Variants in SLC35F4 observed in about 807,000 individuals in gnomAD.
SLC35F4 encodes solute carrier family 35 member F4, also known as chromosome 14 open reading frame 36.
SLC35F4 carries 24 observed loss-of-function variants against 44.2 expected under a neutral mutation model. The observed-to-expected ratio is 0.54, with a 90% CI of 0.39 to 0.76. The LOEUF (loss-of-function observed/expected upper bound fraction) is 0.76. Ranked by LOEUF, SLC35F4 falls within the 30% of genes least tolerant of loss-of-function variation. The pLI, the probability that SLC35F4 is intolerant of heterozygous loss-of-function variation, is 0.00. For synonymous variants in SLC35F4, 238 were observed against 223.6 expected (o/e 1.06, Z -0.57); for missense variants, 562 against 586.1 (o/e 0.96, Z 0.42).
At chr14:57,692,522 C>T (rs1387498903) in intron 1 of SLC35F4, among the ~76,000 whole-genome samples, 4 of 152,046 alleles carry the variant, frequency 2.6e-5, no homozygotes, top group African/African-American at 7.2e-5. Flanking sequence ...TGACGAAGTT[C>T]CCTGCTCTAA....
chr14:57,838,254 G>A (rs1885135934), intron 1 of SLC35F4, among the ~76,000 whole-genome samples: 1 of 152,200 alleles, frequency 6.6e-6, no homozygotes, highest in Non-Finnish European at 1.5e-5. Context: ...GAGGCTTCAA[G>A]AGCAAATGGG....
intron 1 of SLC35F4, among the ~76,000 whole-genome samples, chr14:57,613,852 G>A (rs2071650991): frequency 6.6e-6 from 1 of 152,210 alleles, no homozygotes; most frequent in African/African-American, 2.4e-5. Context: ...TATTGGCAAG[G>A]AGGAAAGTAA....
chr14:57,617,121 G>A lies in SLC35F4; in HGVS notation c.104-22997C>T, dbSNP rs184107403. Among the ~76,000 whole-genome samples the A allele has an allele frequency of 4.7e-3, 484 of 102,564 alleles. 1 individual carries two copies. The highest frequency in any genetic ancestry group is 0.015 in the African/African-American group (445 of 29,916). The allele number at this position is 102,564 out of a possible 152,430, so 67.3% of individuals were successfully genotyped here. A position where few individuals can be genotyped will look rare whatever the true frequency, so the allele number is the denominator to read the frequency against. ...TTGGAAATTCGAGCTCAGCTTAACTGTACTTATTCTTTTTTTTTTTTTTTT... is the reference window on the plus strand; with the variant it reads ...TTGGAAATTCGAGCTCAGCTTAACTATACTTATTCTTTTTTTTTTTTTTTT... On this transcript the variant is annotated intron_variant, in intron 1 of 7. Coordinates refer to ENST00000556826, the MANE Select transcript of SLC35F4 (RefSeq NM_001306087.2).
chr14:57,694,864 T>C (rs910995267), intron 1 of SLC35F4, among the ~76,000 whole-genome samples: 3 of 152,186 alleles, frequency 2.0e-5, no homozygotes, highest in South Asian at 2.1e-4. Flanking sequence ...ATTACCTAAT[T>C]GTATATTTCT....
At chr14:57,911,853 G>T (rs1242795622) in intron 1 of SLC35F4, among the ~76,000 whole-genome samples, 1 of 151,860 alleles carries the variant, frequency 6.6e-6, no homozygotes, top group East Asian at 1.9e-4. Flanking sequence ...TAGATAATTG[G>T]CTTAATTTCT....
chr14:57,786,238 C>T lies in SLC35F4; in HGVS notation c.103+79485G>A, dbSNP rs186909660. On this transcript the variant is annotated intron_variant, in intron 1 of 7. Transcript: ENST00000556826. ...TGCGGTGACTTAGGAACCTCACTCC[C>T]ATACCTCACAGCAGCTGCAGCAAGA... Among the ~76,000 whole-genome samples the T allele has an allele frequency of 2.7e-4, 41 of 152,274 alleles. 1 individual carries two copies. The highest frequency in any genetic ancestry group is 1.5e-5 in the Non-Finnish European group (1 of 68,006).
chr14:57,682,328 G>C (rs557606667), intron 1 of SLC35F4, among the ~76,000 whole-genome samples: 1 of 152,250 alleles, frequency 6.6e-6, no homozygotes, highest in Admixed American at 6.5e-5. Context: ...AAAAAGATGA[G>C]TTCATATCCT....
intron 1 of SLC35F4, among the ~76,000 whole-genome samples, chr14:57,776,907 G>C (rs1008946340): frequency 2.0e-5 from 3 of 152,070 alleles, no homozygotes; most frequent in African/African-American, 7.2e-5. Flanking sequence ...AAATGCCGAG[G>C]GTCTCGTAAG....
chr14:57,601,400 G>T (rs1385529792), intron 1 of SLC35F4, among the ~76,000 whole-genome samples: 1 of 151,612 alleles, frequency 6.6e-6, no homozygotes, highest in African/African-American at 2.4e-5. Context: ...TTCTGGTTTT[G>T]GGTATGAATG....
intron 1 of SLC35F4, among the ~76,000 whole-genome samples, chr14:57,714,189 CATT>C (rs1881452957): frequency 6.6e-6 from 1 of 152,112 alleles, no homozygotes; most frequent in East Asian, 1.9e-4. Flanking sequence ...TTCTAAAAAT[CATT>C]ATTCTTTGAC....
At chr14:57,678,041 T>G (rs2074759093) in intron 1 of SLC35F4, among the ~76,000 whole-genome samples, 1 of 151,916 alleles carries the variant, frequency 6.6e-6, no homozygotes, top group Non-Finnish European at 1.5e-5. Context: ...AGATACTCCT[T>G]GAGAAGAGCA....
At chr14:57,914,490 G>C (rs1889278417) in intron 1 of SLC35F4, among the ~76,000 whole-genome samples, 1 of 152,028 alleles carries the variant, frequency 6.6e-6, no homozygotes, top group Admixed American at 6.5e-5. Flanking sequence ...GTGAACCCAG[G>C]AGACGGAGTT....
intron 1 of SLC35F4, among the ~76,000 whole-genome samples, chr14:57,678,044 G>A (rs1275342707): frequency 1.3e-5 from 2 of 152,018 alleles, no homozygotes; most frequent in Non-Finnish European, 2.9e-5. Context: ...TACTCCTTGA[G>A]AAGAGCAACC....
intron 1 of SLC35F4, among the ~76,000 whole-genome samples, chr14:57,679,178 C>T (rs1264592920): frequency 6.6e-6 from 1 of 152,126 alleles, no homozygotes; most frequent in Non-Finnish European, 1.5e-5. Flanking sequence ...AAGAGTCTCT[C>T]AGACCACACT....
At chr14:57,930,902 C>A (rs1889684610) in intron 1 of SLC35F4, among the ~76,000 whole-genome samples, 1 of 152,100 alleles carries the variant, frequency 6.6e-6, no homozygotes, top group Admixed American at 6.5e-5. Flanking sequence ...GAGTAATAAA[C>A]CCCAAATTGC....
At chr14:57,700,957 T>A (rs913140584) in intron 1 of SLC35F4, among the ~76,000 whole-genome samples, 2 of 152,094 alleles carry the variant, frequency 1.3e-5, no homozygotes, top group African/African-American at 2.4e-5. Flanking sequence ...TTTTATATCC[T>A]TATTCCATAC....
intron 2 of SLC35F4, 74 bp downstream of exon 2, chr14:57,593,865 T>G: frequency 6.6e-7 from 1 of 1,505,018 alleles, no homozygotes; most frequent in Non-Finnish European, 9.1e-7. Flanking sequence ...CTGCATTCTG[T>G]GACAATGGCG....
chr14:57,938,822 T>C (rs1889863431), intron 1 of SLC35F4, among the ~76,000 whole-genome samples: 1 of 152,164 alleles, frequency 6.6e-6, no homozygotes, highest in South Asian at 2.1e-4. Flanking sequence ...GATTGGGACA[T>C]GCTACCGATT....
chr14:57,628,090 C>T (rs1186072418), intron 1 of SLC35F4, among the ~76,000 whole-genome samples: 1 of 152,000 alleles, frequency 6.6e-6, no homozygotes, highest in Non-Finnish European at 1.5e-5. Flanking sequence ...ATTTCCTTGT[C>T]TACGTACATT....
Sources: gnomAD v4.1 joint callset for allele counts (sites outside exome capture counted in the v4.1 genomes callset) on GRCh38, gnomAD v4.1.1 for gene constraint, MANE v1.5 for transcripts, NCBI Gene and HGNC (gene_info 2026-07-23, HGNC 2026-07-21) for gene names.